Variants in HFM1 observed in about 807,000 individuals in gnomAD.
HFM1 encodes probable ATP-dependent DNA helicase HFM1.
HFM1 carries 169 observed loss-of-function variants against 192.1 expected under a neutral mutation model. The observed-to-expected ratio is 0.88, with a 90% CI of 0.78 to 1.00. The LOEUF (loss-of-function observed/expected upper bound fraction) is 1.00. HFM1 is among the 50% of genes least tolerant of loss of function. The pLI, the probability that HFM1 is intolerant of heterozygous loss-of-function variation, is 0.00. For synonymous variants in HFM1, 525 were observed against 537.8 expected, an observed-to-expected ratio of 0.98 and a Z score of 0.33; for missense variants, 1,661 against 1,668.0, an observed-to-expected ratio of 1.00 and a Z score of 0.07.
At chr1:91,297,879 A>G (rs1393219948) in intron 30 of HFM1, among the ~76,000 whole-genome samples, 1 of 152,224 alleles carries the variant, frequency 6.6e-6, no homozygotes, top group East Asian at 1.9e-4. Context: ...TAAAATTCAG[A>G]GCGCCTCTCC....
At chr1:91,353,417 A>G (rs577702609) in intron 13 of HFM1, 118 bp from the exon 14 acceptor site, 2 of 553,800 alleles carry the variant, frequency 3.6e-6, no homozygotes, top group East Asian at 6.2e-5. Flanking sequence ...TCATTATCTG[A>G]AAACTATTTT....
At chr1:91,357,264 G>A (rs1483946979) in intron 13 of HFM1, among the ~76,000 whole-genome samples, 1 of 152,138 alleles carries the variant, frequency 6.6e-6, no homozygotes, top group African/African-American at 2.4e-5. Flanking sequence ...TGGCCAAGTG[G>A]ATTTATTCCT....
intron 30 of HFM1, among the ~76,000 whole-genome samples, chr1:91,305,998 G>A (rs948619945): frequency 8.8e-4 from 133 of 151,934 alleles, no homozygotes; most frequent in African/African-American, 3.1e-3. Flanking sequence ...TTTTACTATC[G>A]AGTATGACAT....
Position 91,380,135 on chromosome 1 carries a change from TG to T in HFM1, c.974del (p.Pro325HisfsTer5). 6.9e-7 allele frequency: 1 copy of T among 1,452,840 alleles called. No individual in the cohort carries two copies. Among genetic ancestry groups the T allele is most frequent in the Non-Finnish European group, 9.5e-7 (1 of 1,054,634 alleles). 90.0% of individuals were successfully genotyped at this position (1,452,840 alleles called of 1,614,324 possible). A position where few individuals can be genotyped will look rare whatever the true frequency, so the allele number is the denominator to read the frequency against. On this transcript the variant is annotated frameshift_variant, in exon 8 of 39. Transcript: ENST00000370425. LOFTEE classifies it high-confidence loss of function. ...CAATTTTAATATTCAACCATGGCAA[TG>T]GTACTTCCATTAACAATCTTGTTAT... ...LAITRLLMEV[P>X]LPWLNIKIVY...
At chr1:91,395,075 G>A (rs1663488643) in intron 3 of HFM1, among the ~76,000 whole-genome samples, 1 of 151,936 alleles carries the variant, frequency 6.6e-6, no homozygotes, top group South Asian at 2.1e-4. Flanking sequence ...AAATGAATGT[G>A]CATGAACCTA....
At chr1:91,309,161 T>C (rs576562952) in intron 30 of HFM1, among the ~76,000 whole-genome samples, 1 of 152,304 alleles carries the variant, frequency 6.6e-6, no homozygotes, top group East Asian at 1.9e-4. Flanking sequence ...CTATTTATCA[T>C]AATTGCCAAT....
chr1:91,404,072 C>G (rs763383603), intron 1 of HFM1, among the ~76,000 whole-genome samples: 1 of 152,098 alleles, frequency 6.6e-6, no homozygotes, highest in Non-Finnish European at 1.5e-5. Flanking sequence ...AATAACCGAC[C>G]GTCACAAATA....
chr1:91,277,635 T>C (rs1207054737), intron 30 of HFM1, among the ~76,000 whole-genome samples: 1 of 130,492 alleles, frequency 7.7e-6, no homozygotes, highest in Non-Finnish European at 1.6e-5. Flanking sequence ...ATATATAATA[T>C]ATACTATATA....
chr1:91,343,411 G>T lies in HFM1; in HGVS notation c.2335+19C>A. 2 of 1,197,216 alleles carry T rather than the reference G, an allele frequency of 1.7e-6. No homozygotes were observed. Among genetic ancestry groups the T allele is most frequent in the South Asian group, 1.5e-5 (1 of 67,454 alleles). The allele number at this position is 1,197,216 out of a possible 1,614,324, so 74.2% of individuals were successfully genotyped here. Reference sequence around the variant, plus strand: ...TAAGTAAACAATTGCTAAATTTACTGACAATGATAAGAAATTACCAGTTGG... The same window carrying T: ...TAAGTAAACAATTGCTAAATTTACTTACAATGATAAGAAATTACCAGTTGG... On this transcript the variant is annotated intron_variant, in intron 20 of 38. Coordinates refer to ENST00000370425, the MANE Select transcript of HFM1 (RefSeq NM_001017975.6).
At chr1:91,311,625 CA>C (rs35661538) in intron 30 of HFM1, among the ~76,000 whole-genome samples, 119 of 125,516 alleles carry the variant, frequency 9.5e-4, no homozygotes, top group Admixed American at 1.6e-3. Flanking sequence ...GACTCCATCT[CA>C]AAAAAAAAAA....
intron 3 of HFM1, 78 bp from the exon 4 acceptor site, chr1:91,394,480 T>A: frequency 1.1e-6 from 1 of 878,784 alleles, no homozygotes; most frequent in South Asian, 1.8e-5. Context: ...AAAACTTTAA[T>A]AAAAATTCCA....
At chr1:91,267,680 G>A in intron 35 of HFM1, 65 bp downstream of exon 35, 1 of 727,180 alleles carries the variant, frequency 1.4e-6, no homozygotes, top group Non-Finnish European at 2.3e-6. Context: ...TTAGTTCCAG[G>A]AGCTGAAATG....
intron 13 of HFM1, among the ~76,000 whole-genome samples, chr1:91,370,520 G>C (rs1299624701): frequency 6.6e-6 from 1 of 152,086 alleles, no homozygotes; most frequent in Non-Finnish European, 1.5e-5. Flanking sequence ...TGCAGAAAAG[G>C]CCTTTGACAA....
At chr1:91,294,679 A>G (rs1238849585) in intron 30 of HFM1, among the ~76,000 whole-genome samples, 1 of 152,232 alleles carries the variant, frequency 6.6e-6, no homozygotes, top group Non-Finnish European at 1.5e-5. Flanking sequence ...CTGGCCTTTT[A>G]GGAAAGTTTT....
intron 1 of HFM1, among the ~76,000 whole-genome samples, chr1:91,402,640 A>G (rs1332145027): frequency 1.3e-5 from 2 of 152,140 alleles, no homozygotes; most frequent in Non-Finnish European, 2.9e-5. Flanking sequence ...TATCTGAAAA[A>G]GTATAAATGA....
chr1:91,407,452 G>A (rs1392147840), upstream of HFM1, among the ~76,000 whole-genome samples: 1 of 151,732 alleles, frequency 6.6e-6, no homozygotes, highest in African/African-American at 2.4e-5. Flanking sequence ...CTATTTCTAT[G>A]AGTTTACCTA....
chr1:91,349,959 G>A (rs1656710406), intron 18 of HFM1, among the ~76,000 whole-genome samples: 1 of 152,178 alleles, frequency 6.6e-6, no homozygotes, highest in Non-Finnish European at 1.5e-5. Context: ...TACAGAACTA[G>A]GGGAAGGAAA....
rs1665921061 is a variant in HFM1, at chr1:91,267,925, TGAA to T, written c.3773-73_3773-71del. ...TTTCCAGATATATTAAGATTTCTGT[TGAA>T]GAACACTGTTTGAGAGACTTTCTCA... On this transcript the variant is annotated intron_variant, in intron 34 of 38. Transcript: ENST00000370425. 5.0e-6 allele frequency: 4 copies of T among 802,684 alleles called. No homozygotes were observed. The East Asian group carries it at 1.1e-4, about 21-fold the overall frequency. 49.7% of individuals were successfully genotyped at this position (802,684 alleles called of 1,614,324 possible).
At position 91,380,951 on chromosome 1, in the gene HFM1, A is replaced by G; in HGVS notation, c.834T>C (p.Phe278=). The G allele has an allele frequency of 6.9e-7, 1 of 1,456,724 alleles. No individual in the cohort carries two copies. Among genetic ancestry groups the G allele is most frequent in the Non-Finnish European group, 9.6e-7 (1 of 1,039,332 alleles). 90.2% of individuals were successfully genotyped at this position (1,456,724 alleles called of 1,614,324 possible). A position where few individuals can be genotyped will look rare whatever the true frequency, so the allele number is the denominator to read the frequency against. Residue 278 remains phenylalanine (F), a synonymous_variant, in exon 7 of 39, where the codon TTT becomes TTC. Transcript: ENST00000370425. ...TGGACTGTATATAGTTGAAATATGG[A>G]AATTCTTTGAAAATACTTCTAAATT... ...PAKFRSIFKE[F]PYFNYIQSKA... is the part of the protein sequence containing the mutation.
Sources: gnomAD v4.1 joint callset for allele counts (sites outside exome capture counted in the v4.1 genomes callset) on GRCh38, gnomAD v4.1.1 for gene constraint, MANE v1.5 for transcripts, NCBI Gene and HGNC (gene_info 2026-07-23, HGNC 2026-07-21) for gene names.